The following MYO16 variants were observed in gnomAD, a reference collection of about 807,000 sequenced individuals.
The protein encoded by MYO16 is unconventional myosin-XVI.
A neutral mutation model predicts 205.3 loss-of-function variants in MYO16; 94 were observed. That is an observed-to-expected ratio of 0.46 (90% CI 0.39 to 0.54). The LOEUF (loss-of-function observed/expected upper bound fraction) is 0.54. MYO16 is among the 20% of genes least tolerant of loss of function. The pLI, the probability that MYO16 is intolerant of heterozygous loss-of-function variation, is 0.00. For missense variants in MYO16, 2,315 were observed against 2,387.5 expected, an observed-to-expected ratio of 0.97 and a Z score of 0.63; for synonymous variants, 988 against 954.0, an observed-to-expected ratio of 1.04 and a Z score of -0.66.
chr13:108,760,720 T>C (rs1441222777), intron 4 of MYO16, among the ~76,000 whole-genome samples: 3 of 152,164 alleles, frequency 2.0e-5, no homozygotes, highest in Admixed American at 6.5e-5. Flanking sequence ...AGACAGTAGA[T>C]TGGTGGTTCA....
At chr13:108,505,232 A>T in the MYO16 span, among the ~76,000 whole-genome samples, 1 of 152,204 alleles carries the variant, frequency 6.6e-6, no homozygotes, top group Non-Finnish European at 1.5e-5. Context: ...AGGAACCCCT[A>T]AACTGTTTTC....
At chr13:108,649,429 G>A (rs1880901797) in intron 1 of MYO16, among the ~76,000 whole-genome samples, 1 of 152,154 alleles carries the variant, frequency 6.6e-6, no homozygotes, top group African/African-American at 2.4e-5. Context: ...TGGAGTGACA[G>A]ATATGAGGTG....
intron 3 of MYO16, among the ~76,000 whole-genome samples, chr13:108,717,209 A>G (rs9587658): frequency 0.99 from 150,889 of 152,290 alleles, 74,759 homozygotes; most frequent in Middle Eastern, 1. Context: ...TGAACCCTCC[A>G]CCTCAGACTA....
At chr13:109,070,793 G>C (rs1204054019) in intron 27 of MYO16, among the ~76,000 whole-genome samples, 3 of 152,124 alleles carry the variant, frequency 2.0e-5, no homozygotes, top group Admixed American at 6.6e-5. Context: ...AGCATTCTTT[G>C]TAATATTCCT....
intron 27 of MYO16, among the ~76,000 whole-genome samples, chr13:109,060,492 G>A (rs1367925002): frequency 6.6e-6 from 1 of 152,032 alleles, no homozygotes; most frequent in Admixed American, 6.6e-5. Flanking sequence ...CGGGGGCTGG[G>A]GGGCAAGGGG....
chr13:108,868,421 C>A (rs1878834342), intron 12 of MYO16, among the ~76,000 whole-genome samples: 1 of 152,106 alleles, frequency 6.6e-6, no homozygotes, highest in Non-Finnish European at 1.5e-5. Context: ...ACAGTTATAT[C>A]CTGTTTCGTG....
At position 109,048,524 on chromosome 13, in the gene MYO16, A is replaced by G. The variant is rs556471497; in HGVS notation, c.2872+1533A>G. Reference sequence around the variant, plus strand: ...AATGTGAAAAACAGCTGTAGACAATACAAATGGATGTGACTGTATTCTGAT... The same window carrying G: ...AATGTGAAAAACAGCTGTAGACAATGCAAATGGATGTGACTGTATTCTGAT... On this transcript the variant is annotated intron_variant, in intron 24 of 34. Transcript: ENST00000457511. 2.1e-5 allele frequency: 9 copies of G among 438,124 alleles called. 1 individual carries two copies. The South Asian group carries it at 7.5e-4, about 36-fold the overall frequency. The allele number at this position is 438,124 out of a possible 1,614,324, so 27.1% of individuals were successfully genotyped here. A position where few individuals can be genotyped will look rare whatever the true frequency, so the allele number is the denominator to read the frequency against.
chr13:108,683,936 C>T (rs1594206626), intron 2 of MYO16, among the ~76,000 whole-genome samples: 1 of 152,150 alleles, frequency 6.6e-6, no homozygotes, highest in Admixed American at 6.5e-5. Flanking sequence ...AGTGCAGTGG[C>T]GCGATCTCGG....
chr13:108,924,918 C>T (rs559960585), intron 16 of MYO16, among the ~76,000 whole-genome samples: 1 of 152,290 alleles, frequency 6.6e-6, no homozygotes, highest in East Asian at 1.9e-4. Flanking sequence ...CTGAATGTGT[C>T]ATCTCTTCTT....
In MYO16 at chr13:108,823,254, A is replaced by G. The variant is rs144509002; in HGVS notation, c.1073A>G (p.Asp358Gly). 1,472 of 1,612,028 alleles carry G rather than the reference A, an allele frequency of 9.1e-4. 27 individuals are homozygous for G. In the East Asian group the frequency reaches 0.028, roughly 31 times the overall value. Residue 358 changes from aspartate to glycine, a missense_variant, in exon 9 of 35, where the codon GAT becomes GGT. By Grantham distance (94) the Asp-to-Gly change is moderately conservative. Around this residue, in one of 3 missense-constraint regions of MYO16, gnomAD observed 1,213 missense variants for 1,274.4 expected, o/e 0.95. Coordinates refer to ENST00000457511, the MANE Select transcript of MYO16 (RefSeq NM_001198950.3). ...GAGCCCTATGAAGAGATCATTCACG[A>G]TCTTCCCGTACTGTCGAGTAAGCTG... ...QEEPYEEIIH[D>G]LPVLSSKLSP...
chr13:108,516,675 CATTT>C, the MYO16 span, among the ~76,000 whole-genome samples: 2 of 152,240 alleles, frequency 1.3e-5, no homozygotes, highest in South Asian at 4.2e-4. Context: ...ACTTTCATAG[CATTT>C]ATTTATTTAT....
At chr13:108,602,101 G>GA (rs11478461) in intron 1 of MYO16, among the ~76,000 whole-genome samples, 162 of 118,012 alleles carry the variant, frequency 1.4e-3, no homozygotes, top group Non-Finnish European at 1.6e-3. Flanking sequence ...AGGATATGAT[G>GA]AAAAAAAAAA....
At chr13:108,533,029 T>C in the MYO16 span, among the ~76,000 whole-genome samples, 1 of 152,116 alleles carries the variant, frequency 6.6e-6, no homozygotes, top group Non-Finnish European at 1.5e-5. Flanking sequence ...GGTTTGTTGA[T>C]GGAAAGATGG....
intron 9 of MYO16, among the ~76,000 whole-genome samples, chr13:108,828,598 C>T (rs74119799): frequency 3.0e-4 from 46 of 152,252 alleles, no homozygotes; most frequent in African/African-American, 1.1e-3. Flanking sequence ...TGAGTTTATC[C>T]TACCAGGTGA....
intron 2 of MYO16, among the ~76,000 whole-genome samples, chr13:108,691,688 AC>A (rs1328154409): frequency 1.3e-5 from 2 of 152,104 alleles, no homozygotes; most frequent in Non-Finnish European, 2.9e-5. Context: ...ATAAGGATTC[AC>A]TTCGTCTGAA....
At chr13:109,100,712 G>A (rs1366431617) in intron 27 of MYO16, 73 bp from the exon 28 acceptor site, 1 of 1,215,804 alleles carries the variant, frequency 8.2e-7, no homozygotes, top group Admixed American at 1.8e-5. Flanking sequence ...ATGTAACAAA[G>A]ACAGCCCTGT....
intron 16 of MYO16, among the ~76,000 whole-genome samples, chr13:108,932,724 C>T (rs962105900): frequency 1.3e-5 from 2 of 152,104 alleles, no homozygotes; most frequent in African/African-American, 4.8e-5. Context: ...GTATACCTTC[C>T]CACTGAGATA....
intron 27 of MYO16, among the ~76,000 whole-genome samples, chr13:109,079,879 C>CTT (rs35912610): frequency 0.52 from 71,536 of 138,188 alleles, 18,773 homozygotes; most frequent in South Asian, 0.57. Context: ...TTCTTTATTT[C>CTT]TTTTTTTTTT....
chr13:109,058,302 T>G (rs530501595), intron 27 of MYO16, among the ~76,000 whole-genome samples: 1 of 152,224 alleles, frequency 6.6e-6, no homozygotes, highest in East Asian at 1.9e-4. Context: ...ATCTCCAGCC[T>G]CACCCCAGGT....
Sources: gnomAD v4.1 joint callset for allele counts (sites outside exome capture counted in the v4.1 genomes callset) on GRCh38, gnomAD v4.1.1 for gene constraint, gnomAD v4.1.1 regional missense constraint, MANE v1.5 for transcripts, NCBI Gene and HGNC (gene_info 2026-07-23, HGNC 2026-07-21) for gene names.